Variants in AMPH observed in about 807,000 individuals in gnomAD.
AMPH encodes amphiphysin, also known as amphiphysin (Stiff-Mann syndrome with breast cancer 128kD autoantigen).
In AMPH, 49 loss-of-function variants were observed where a neutral mutation model predicts 99.1. The observed-to-expected ratio is 0.49, with a 90% CI of 0.39 to 0.63. The LOEUF (loss-of-function observed/expected upper bound fraction) is 0.63, where lower values mean the gene tolerates loss of function less well. AMPH is among the 20% of genes least tolerant of loss of function. The pLI is 0.00. For missense variants in AMPH, 759 were observed against 863.4 expected (o/e 0.88, Z 1.52); for synonymous variants, 314 against 317.3 (o/e 0.99, Z 0.11).
At chr7:38,573,978 A>C (rs916705756) in intron 1 of AMPH, among the ~76,000 whole-genome samples, 3 of 152,248 alleles carry the variant, frequency 2.0e-5, no homozygotes, top group African/African-American at 7.2e-5. Flanking sequence ...CCACTTGCTA[A>C]TAAGTGGCAC....
At chr7:38,456,371 C>G (rs1030849059) in intron 11 of AMPH, among the ~76,000 whole-genome samples, 2 of 152,200 alleles carry the variant, frequency 1.3e-5, no homozygotes, top group African/African-American at 2.4e-5. Context: ...CCCTACCCAG[C>G]ATGTCACAAC....
intron 5 of AMPH, among the ~76,000 whole-genome samples, chr7:38,479,002 A>G (rs1788190506): frequency 6.6e-6 from 1 of 152,172 alleles, no homozygotes; most frequent in African/African-American, 2.4e-5. Flanking sequence ...GGTCTAACAT[A>G]ATATAATTGA....
In AMPH at chr7:38,610,372, AGAAAGGAAAG is replaced by A. The variant is rs1264887051; in HGVS notation, c.69+20901_69+20910del. ...AGAAAAGAAAAGAAAAGAAAAGAAAAGAAAGGAAAGGAAAAGAAAAGAAAAGAAAAGAAAA... is the reference window on the plus strand; with the variant it reads ...AGAAAAGAAAAGAAAAGAAAAGAAAAGAAAAGAAAAGAAAAGAAAAGAAAA... On this transcript the variant is annotated intron_variant, in intron 1 of 20. Transcript: ENST00000356264. Among the ~76,000 whole-genome samples the A allele has an allele frequency of 2.7e-3, 99 of 36,878 alleles. 19 individuals are homozygous for A. Among genetic ancestry groups the A allele is most frequent in the Middle Eastern group, 0.011 (1 of 92 alleles). The allele number at this position is 36,878 out of a possible 152,430, so 24.2% of individuals were successfully genotyped here.
chr7:38,611,001 A>C (rs1793663096), intron 1 of AMPH, among the ~76,000 whole-genome samples: 2 of 152,232 alleles, frequency 1.3e-5, no homozygotes, highest in South Asian at 4.1e-4. Context: ...AGAATCTTGA[A>C]AAGCTATTAG....
intron 11 of AMPH, among the ~76,000 whole-genome samples, chr7:38,441,828 TATATATC>T (rs1362007334): frequency 0.012 from 1,261 of 102,628 alleles, 16 homozygotes; most frequent in African/African-American, 0.03. Context: ...TCATATATCA[TATATATC>T]ATATATCATA....
At chr7:38,569,614 T>C (rs182513184) in intron 1 of AMPH, among the ~76,000 whole-genome samples, 39 of 152,116 alleles carry the variant, frequency 2.6e-4, no homozygotes, top group Non-Finnish European at 4.7e-4. Context: ...CATATATATA[T>C]ATAAAATGAA....
intron 2 of AMPH, among the ~76,000 whole-genome samples, chr7:38,525,669 G>A (rs751627724): frequency 3.3e-5 from 5 of 152,054 alleles, no homozygotes; most frequent in Admixed American, 2.0e-4. Flanking sequence ...CTGTCATGCC[G>A]AAAGAGTCAC....
At chr7:38,439,877 G>T (rs994827567) in intron 11 of AMPH, among the ~76,000 whole-genome samples, 1 of 152,130 alleles carries the variant, frequency 6.6e-6, no homozygotes, top group Non-Finnish European at 1.5e-5. Context: ...TGCAATTTGA[G>T]CATAATCGGC....
chr7:38,563,134 GATGAATGAATGA>G (rs10665097), intron 1 of AMPH, among the ~76,000 whole-genome samples: 36 of 150,436 alleles, frequency 2.4e-4, no homozygotes, highest in Non-Finnish European at 4.3e-4. Flanking sequence ...AGCACTGAAT[GATGAATGAATGA>G]ATGAATGAAT....
intron 17 of AMPH, among the ~76,000 whole-genome samples, chr7:38,400,938 C>G (rs762648947): frequency 5.9e-5 from 9 of 151,964 alleles, no homozygotes; most frequent in Non-Finnish European, 1.3e-4. Flanking sequence ...TTTTTTCTAA[C>G]AAATTTTAAA....
chr7:38,515,871 C>A (rs924638139), intron 2 of AMPH, among the ~76,000 whole-genome samples: 1 of 152,172 alleles, frequency 6.6e-6, no homozygotes, highest in African/African-American at 2.4e-5. Context: ...GGAACTGGAG[C>A]AAAGGTCATT....
In AMPH at chr7:38,463,027, T is replaced by A. The variant is rs773090034; in HGVS notation, c.836A>T (p.His279Leu). The A allele has an allele frequency of 6.2e-7, 1 of 1,609,160 alleles. No individual in the cohort carries two copies. The highest frequency in any genetic ancestry group is 8.5e-7 in the Non-Finnish European group (1 of 1,177,806). Residue 279 changes from histidine (H) to leucine (L), a missense_variant, in exon 10 of 21, where the codon CAT becomes CTT. This residue lies in a region of AMPH where 554 missense variants were observed against 575.6 expected (regional missense o/e 0.96). Transcript: ENST00000356264. ...TGCGGGAGACGCAGGTGCTAATGTA[T>A]GATTTGGACTTGCTGTCGGGCTCGG... ...PLPSPTASPN[H>L]TLAPASPAPA...
At chr7:38,508,485 C>T (rs1235067875) in intron 2 of AMPH, among the ~76,000 whole-genome samples, 2 of 152,118 alleles carry the variant, frequency 1.3e-5, no homozygotes, top group Non-Finnish European at 2.9e-5. Context: ...AAATATCACA[C>T]ACGGTATGGA....
At chr7:38,409,345 A>G (rs889892672) in intron 17 of AMPH, among the ~76,000 whole-genome samples, 1 of 152,220 alleles carries the variant, frequency 6.6e-6, no homozygotes, top group African/African-American at 2.4e-5. Flanking sequence ...GAAAAGCCCA[A>G]GAGGTAGGTA....
intron 1 of AMPH, among the ~76,000 whole-genome samples, chr7:38,545,992 A>C (rs561261993): frequency 5.3e-5 from 8 of 152,316 alleles, no homozygotes; most frequent in Admixed American, 2.6e-4. Flanking sequence ...ATAGACCAAA[A>C]AACCAAACCC....
At chr7:38,385,066 T>A in intron 20 of AMPH, 141 bp from the exon 21 acceptor site, 1 of 648,048 alleles carries the variant, frequency 1.5e-6, no homozygotes, top group Non-Finnish European at 2.6e-6. Flanking sequence ...TGTGCCGTGA[T>A]CAATGGGAAG....
intron 11 of AMPH, among the ~76,000 whole-genome samples, chr7:38,442,788 TAA>T (rs140961528): frequency 3.4e-5 from 5 of 146,146 alleles, no homozygotes; most frequent in African/African-American, 1.0e-4. Context: ...ACCCTGAATA[TAA>T]AAAAAAAACA....
chr7:38,556,102 T>G (rs901988741), intron 1 of AMPH, among the ~76,000 whole-genome samples: 6 of 150,722 alleles, frequency 4.0e-5, no homozygotes, highest in Non-Finnish European at 8.9e-5. Context: ...GAGTCTAAAA[T>G]AAAACTGGAA....
chr7:38,429,290 G>T, intron 14 of AMPH: 1 of 1,286,662 alleles, frequency 7.8e-7, no homozygotes, highest in South Asian at 1.2e-5. Context: ...CACCTGGAAA[G>T]GCTGGCCCCG....
Sources: allele counts gnomAD v4.1 joint callset (sites outside exome capture counted in the v4.1 genomes callset), GRCh38; gene constraint gnomAD v4.1.1; regional missense constraint gnomAD v4.1.1; transcripts MANE v1.5; gene names NCBI Gene and HGNC (gene_info 2026-07-23, HGNC 2026-07-21).